Variants in DYNC1I1 observed in about 807,000 individuals in gnomAD.
The protein encoded by DYNC1I1 is dynein cytoplasmic 1 intermediate chain 1.
A neutral mutation model predicts 86.6 loss-of-function variants in DYNC1I1; 43 were observed. The observed-to-expected ratio is 0.50, with a 90% confidence interval of 0.39 to 0.64. The LOEUF (loss-of-function observed/expected upper bound fraction) is 0.64, where lower values mean the gene tolerates loss of function less well. Among genes scored for constraint, DYNC1I1 ranks in the 30% least tolerant of loss-of-function variants. DYNC1I1 has a pLI of 0.00. For missense variants in DYNC1I1, 604 were observed against 788.8 expected (o/e 0.77, Z 2.81); for synonymous variants, 262 against 283.7 (o/e 0.92, Z 0.77).
At chr7:96,005,403 T>C (rs571651248) in intron 10 of DYNC1I1, among the ~76,000 whole-genome samples, 2 of 152,276 alleles carry the variant, frequency 1.3e-5, no homozygotes, top group African/African-American at 4.8e-5. Flanking sequence ...TTTTAGTAAA[T>C]TATTTTGCCT....
chr7:95,832,998 CTTT>C (rs1788957797), intron 5 of DYNC1I1, among the ~76,000 whole-genome samples: 5 of 150,272 alleles, frequency 3.3e-5, no homozygotes, highest in Non-Finnish European at 1.5e-5. Flanking sequence ...TCAATTTTGG[CTTT>C]TGTTGCCATT....
chr7:95,783,893 T>G (rs558949847), intron 1 of DYNC1I1, among the ~76,000 whole-genome samples: 1 of 152,356 alleles, frequency 6.6e-6, no homozygotes, highest in Admixed American at 6.5e-5. Flanking sequence ...TTCATAATAA[T>G]AGTATCTACT....
At chr7:95,927,039 T>C (rs1240819607) in intron 6 of DYNC1I1, among the ~76,000 whole-genome samples, 1 of 152,142 alleles carries the variant, frequency 6.6e-6, no homozygotes, top group African/African-American at 2.4e-5. Flanking sequence ...GTAAAAATAT[T>C]TTAACAAACT....
intron 5 of DYNC1I1, among the ~76,000 whole-genome samples, chr7:95,851,685 C>T (rs1356957383): frequency 6.6e-6 from 1 of 151,810 alleles, no homozygotes; most frequent in African/African-American, 2.4e-5. Flanking sequence ...TTTTTTTAGA[C>T]CAGAGTTTCG....
intron 5 of DYNC1I1, among the ~76,000 whole-genome samples, chr7:95,852,073 A>G (rs1353134096): frequency 6.6e-6 from 1 of 152,222 alleles, no homozygotes; most frequent in Non-Finnish European, 1.5e-5. Context: ...CAACAGAGAA[A>G]AAATTGCTAT....
intron 5 of DYNC1I1, among the ~76,000 whole-genome samples, chr7:95,861,619 T>G (rs1232032398): frequency 9.8e-5 from 2 of 20,486 alleles, no homozygotes; most frequent in African/African-American, 1.7e-4. Context: ...TTTTTGCAAT[T>G]TTTTTTTTTT....
At chr7:95,806,973 A>T (rs1334944983) in intron 2 of DYNC1I1, among the ~76,000 whole-genome samples, 1 of 152,134 alleles carries the variant, frequency 6.6e-6, no homozygotes, top group Non-Finnish European at 1.5e-5. Flanking sequence ...CTGAGTGGGT[A>T]TGGGTCCTCT....
At chr7:95,808,032 G>T (rs1016950331) in intron 2 of DYNC1I1, among the ~76,000 whole-genome samples, 14 of 152,112 alleles carry the variant, frequency 9.2e-5, no homozygotes, top group African/African-American at 2.9e-4. Flanking sequence ...AACTAGTCAG[G>T]GCAGGTTTGA....
chr7:95,937,889 T>A (rs565497503), intron 6 of DYNC1I1, among the ~76,000 whole-genome samples: 1 of 151,678 alleles, frequency 6.6e-6, no homozygotes, highest in Non-Finnish European at 1.5e-5. Flanking sequence ...AACACCTTGA[T>A]GTTTGCCATG....
intron 14 of DYNC1I1, among the ~76,000 whole-genome samples, chr7:96,066,628 T>C (rs113934581): frequency 1.3e-5 from 2 of 152,350 alleles, no homozygotes; most frequent in African/African-American, 4.8e-5. Flanking sequence ...AATTTAGAGC[T>C]GTTGCAGAAC....
intron 14 of DYNC1I1, among the ~76,000 whole-genome samples, chr7:96,061,270 G>A (rs1391549114): frequency 6.6e-6 from 1 of 152,178 alleles, no homozygotes; most frequent in Non-Finnish European, 1.5e-5. Context: ...TCAGATGGTG[G>A]TATTCATAGC....
intron 10 of DYNC1I1, among the ~76,000 whole-genome samples, chr7:96,013,783 A>G (rs1794336182): frequency 6.6e-6 from 1 of 152,170 alleles, no homozygotes; most frequent in Non-Finnish European, 1.5e-5. Context: ...AATGCCTACC[A>G]AATCTTAGGA....
At chr7:95,804,678 G>A (rs1295933710) in intron 1 of DYNC1I1, 43 bp from the exon 2 acceptor site, 5 of 1,500,290 alleles carry the variant, frequency 3.3e-6, no homozygotes, top group Admixed American at 4.7e-5. Flanking sequence ...ATACAGAAAA[G>A]TTATTTATAT....
In DYNC1I1 at chr7:95,912,000, G is replaced by T. The variant is rs150586662; in HGVS notation, c.490+42002G>T. Among the ~76,000 whole-genome samples, 379 of 152,236 alleles carry T rather than the reference G, an allele frequency of 2.5e-3. 3 individuals carry two copies. Among genetic ancestry groups the T allele is most frequent in the African/African-American group, 8.3e-3 (345 of 41,534 alleles). On this transcript the variant is annotated intron_variant, in intron 6 of 16. Coordinates refer to ENST00000447467, the MANE Select transcript of DYNC1I1 (RefSeq NM_001135556.2). The stretch of plus-strand genomic sequence containing the variant: ...TGAACAGGTAATCCAAACTTTTTAA[G>T]GCTGCTTGTTTAGCACTCACTCATC...
At chr7:95,963,932 C>T (rs1449434953) in intron 6 of DYNC1I1, among the ~76,000 whole-genome samples, 1 of 152,132 alleles carries the variant, frequency 6.6e-6, no homozygotes, top group African/African-American at 2.4e-5. Context: ...TAGACAAATG[C>T]TTCCCTTAAG....
intron 14 of DYNC1I1, among the ~76,000 whole-genome samples, chr7:96,073,095 A>T (rs1381560870): frequency 2.6e-5 from 4 of 152,290 alleles, no homozygotes; most frequent in Non-Finnish European, 4.4e-5. Context: ...AGTTCAATCA[A>T]TCCTGATCAA....
intron 5 of DYNC1I1, among the ~76,000 whole-genome samples, chr7:95,832,586 C>T (rs1788943409): frequency 6.6e-6 from 1 of 152,102 alleles, no homozygotes. Flanking sequence ...GTCCCACCAA[C>T]AGTGTAAAAG....
chr7:95,943,215 C>G (rs1002538776), intron 6 of DYNC1I1, among the ~76,000 whole-genome samples: 6 of 151,870 alleles, frequency 4.0e-5, no homozygotes, highest in Admixed American at 3.9e-4. Context: ...CACAAGCATT[C>G]TTATATGCCA....
At chr7:96,054,140 C>A (rs1484308973) in intron 14 of DYNC1I1, among the ~76,000 whole-genome samples, 2 of 152,156 alleles carry the variant, frequency 1.3e-5, no homozygotes, top group African/African-American at 4.8e-5. Flanking sequence ...TCCCCTAGCC[C>A]CTCACCCCGC....
Sources: allele counts gnomAD v4.1 joint callset (sites outside exome capture counted in the v4.1 genomes callset), GRCh38; gene constraint gnomAD v4.1.1; transcripts MANE v1.5; gene names NCBI Gene and HGNC (gene_info 2026-07-23, HGNC 2026-07-21).